Variants in STX5 observed in about 807,000 individuals in gnomAD.
STX5 encodes syntaxin-5.
In STX5, 15 loss-of-function variants were observed where a neutral mutation model predicts 42.9. That is an observed-to-expected ratio of 0.35 (90% CI 0.23 to 0.54). The LOEUF (loss-of-function observed/expected upper bound fraction) is 0.54, where lower values mean the gene tolerates loss of function less well. STX5 is among the 20% of genes least tolerant of loss of function. The pLI, the probability that STX5 is intolerant of heterozygous loss-of-function variation, is 0.91. For missense variants in STX5, 430 were observed against 455.0 expected, an observed-to-expected ratio of 0.95 and a Z score of 0.50; for synonymous variants, 184 against 173.2, an observed-to-expected ratio of 1.06 and a Z score of -0.49.
At chr11:62,825,865 C>T (rs1270938748) in intron 5 of STX5, among the ~76,000 whole-genome samples, 1 of 152,194 alleles carries the variant, frequency 6.6e-6, no homozygotes, top group African/African-American at 2.4e-5. Context: ...AGGCCAAAAT[C>T]TCGGGTCTAG....
rs547516141 is a variant in STX5 at position 62,827,099 on chromosome 11, GA to G, written c.423+55del. The G allele has an allele frequency of 5.9e-6, 9 of 1,538,416 alleles. No individual in the cohort carries two copies. The East Asian group carries it at 9.0e-5, about 15-fold the overall frequency. On this transcript the variant is annotated intron_variant, in intron 5 of 10. Transcript: ENST00000294179. ...TCCCCATGGCAATGGAAAATGACAG[GA>G]AGACAGAAGTGATCTGATTGGAATG...
chr11:62,814,160 G>A lies in STX5; in HGVS notation c.909-6532C>T, dbSNP rs181326757. ...AGCCTATAGCGATGCTCAGAAAAGA[G>A]GAAGAATTTAATTAATTTACTTGAG... On this transcript the variant is annotated intron_variant, in intron 10 of 10. Coordinates refer to ENST00000294179, the MANE Select transcript of STX5 (RefSeq NM_003164.5). Among the ~76,000 whole-genome samples the A allele has an allele frequency of 1.3e-3, 191 of 152,172 alleles. No homozygotes were observed. In the Middle Eastern group the frequency reaches 0.017, roughly 14 times the overall value.
At chr11:62,829,665 G>A (rs928135044) in intron 2 of STX5, among the ~76,000 whole-genome samples, 4 of 152,092 alleles carry the variant, frequency 2.6e-5, no homozygotes, top group African/African-American at 9.7e-5. Flanking sequence ...TGAGGAGCCT[G>A]AGGCAGGAGG....
In STX5 at chr11:62,824,556, G is replaced by A. The variant is rs200374593; in HGVS notation, c.689C>T (p.Ala230Val). 1 of 1,614,104 alleles carries A rather than the reference G, an allele frequency of 6.2e-7. No homozygotes were observed. The highest frequency in any genetic ancestry group is 1.3e-5 in the African/African-American group (1 of 75,046). Reference protein sequence around the residue: ...PLAPNHLGGGAVVLGAESHAS... With the variant: ...PLAPNHLGGGVVVLGAESHAS... ...ATGGGACTCTGCCCCCAGAACCACAGCACCACCGCCTGGGGGAGAAAACAG... is the reference window on the plus strand; with the variant it reads ...ATGGGACTCTGCCCCCAGAACCACAACACCACCGCCTGGGGGAGAAAACAG... Residue 230 changes from alanine (A) to valine (V), a missense_variant, in exon 9 of 11, where the codon GCT becomes GTT. Coordinates refer to ENST00000294179, the MANE Select transcript of STX5 (RefSeq NM_003164.5).
In STX5 at chr11:62,831,034, C is replaced by G; in HGVS notation, c.210G>C (p.Ser70=). The part of the protein sequence containing the change: ...RTQEFLSACK[S]LQTRQNGIQT... ...AGGTCCTTACCTGACGGGTCTGCAG[C>G]GACTTGCAGGCAGACAGAAACTCCT... is the stretch of plus-strand genomic sequence containing the variant. Residue 70 remains serine (S), a synonymous_variant, in exon 2 of 11, where the codon TCG becomes TCC. Transcript: ENST00000294179. 6.4e-7 allele frequency: 1 copy of G among 1,551,898 alleles called. No homozygotes were observed. The highest frequency in any genetic ancestry group is 8.7e-7 in the Non-Finnish European group (1 of 1,148,130).
In STX5 at chr11:62,824,232, AC is replaced by A. The variant is rs763507779; in HGVS notation, c.841del (p.Val281LeufsTer29). 6.2e-7 allele frequency: 1 copy of A among 1,614,210 alleles called. No homozygotes were observed. The highest frequency in any genetic ancestry group is 1.1e-5 in the South Asian group (1 of 91,080). The stretch of plus-strand genomic sequence containing the variant: ...CTGCTGAAAGATGGAGCCCAACTCA[AC>A]AATTGTCGACTCAATGTTCTGCATG... Reference protein sequence around the residue: ...DTMQNIESTIVELGSIFQQLA... With the variant: ...DTMQNIESTIXELGSIFQQLA... On this transcript the variant is annotated frameshift_variant, in exon 10 of 11. Coordinates refer to ENST00000294179, the MANE Select transcript of STX5 (RefSeq NM_003164.5). LOFTEE classifies it high-confidence loss of function.
At position 62,807,806 on chromosome 11, in the gene STX5, C is replaced by G. The variant is rs550991831; in HGVS notation, c.909-178G>C. Reference sequence around the variant, plus strand: ...AACAAGTTATTTCTGGTTTGAAAACCAACTCTGCCATTTATTAGCTTAAGA... The same window carrying G: ...AACAAGTTATTTCTGGTTTGAAAACGAACTCTGCCATTTATTAGCTTAAGA... On this transcript the variant is annotated intron_variant, in intron 10 of 10. Transcript: ENST00000294179. The G allele has an allele frequency of 8.6e-6, 10 of 1,162,374 alleles. No individual in the cohort carries two copies. In the East Asian group the frequency reaches 1.0e-4, roughly 12 times the overall value. 72.0% of individuals were successfully genotyped at this position (1,162,374 alleles called of 1,614,324 possible).
chr11:62,821,929 G>GGCAGGAGAATCACTTGGAC (rs1209186964), intron 10 of STX5, among the ~76,000 whole-genome samples: 1 of 152,198 alleles, frequency 6.6e-6, no homozygotes, highest in African/African-American at 2.4e-5. Flanking sequence ...AGGAGGCTGA[G>GGCAGGAGAATCACTTGGAC]GCAGGAGAAT....
At chr11:62,809,287 CAAA>C (rs1174325165) in intron 10 of STX5, among the ~76,000 whole-genome samples, 7 of 62,114 alleles carry the variant, frequency 1.1e-4, no homozygotes, top group African/African-American at 1.7e-4. Flanking sequence ...GACTCCGTCT[CAAA>C]AAAAAAAAAA....
At chr11:62,821,434 G>C (rs1364880230) in intron 10 of STX5, among the ~76,000 whole-genome samples, 1 of 152,084 alleles carries the variant, frequency 6.6e-6, no homozygotes, top group Non-Finnish European at 1.5e-5. Flanking sequence ...TTGTTTTAAA[G>C]TTAAATGTGG....
chr11:62,819,618 G>C (rs895973646), intron 10 of STX5, among the ~76,000 whole-genome samples: 1 of 151,552 alleles, frequency 6.6e-6, no homozygotes, highest in Non-Finnish European at 1.5e-5. Flanking sequence ...CCAGGGCTCA[G>C]GAGATCCTCC....
chr11:62,813,620 C>T (rs894485051), intron 10 of STX5, among the ~76,000 whole-genome samples: 14 of 152,142 alleles, frequency 9.2e-5, no homozygotes, highest in African/African-American at 3.1e-4. Flanking sequence ...TGATCAACAA[C>T]GTAGAGTAAA....
At chr11:62,819,575 T>C (rs1359422707) in intron 10 of STX5, among the ~76,000 whole-genome samples, 1 of 151,986 alleles carries the variant, frequency 6.6e-6, no homozygotes, top group African/African-American at 2.4e-5. Context: ...TGGAGTGCAG[T>C]GGCCCAATCT....
rs2084564144 is a variant in STX5 at position 62,807,455 on chromosome 11, A to G, written c.*14T>C. 3 of 1,612,292 alleles carry G rather than the reference A, an allele frequency of 1.9e-6. No homozygotes were observed. The highest frequency in any genetic ancestry group is 1.7e-5 in the Admixed American group (1 of 59,934). ...GTCCCAAACCCCAACAGAGTGCCTC[A>G]GAGTAGAGAGGGTTCAAGCAAGGAA... is the stretch of plus-strand genomic sequence containing the variant. On this transcript the variant is annotated 3_prime_UTR_variant, in exon 11 of 11. Coordinates refer to ENST00000294179, the MANE Select transcript of STX5 (RefSeq NM_003164.5).
intron 10 of STX5, among the ~76,000 whole-genome samples, chr11:62,818,919 C>A (rs1268709910): frequency 4.0e-5 from 6 of 151,530 alleles, no homozygotes; most frequent in African/African-American, 1.4e-4. Flanking sequence ...GAGAAAACAT[C>A]CTTCAAAAAT....
At chr11:62,816,213 T>C (rs1169365277) in intron 10 of STX5, 1 of 152,216 alleles carries the variant, frequency 6.6e-6, no homozygotes, top group East Asian at 1.9e-4. Context: ...TGTTAACTGT[T>C]GAATGTAGGT....
chr11:62,815,802 G>A (rs1205895399), intron 10 of STX5, among the ~76,000 whole-genome samples: 1 of 151,990 alleles, frequency 6.6e-6, no homozygotes. Flanking sequence ...CTCCCGAAGT[G>A]CTAGGATTAC....
chr11:62,827,354 T>C lies in STX5; in HGVS notation c.341A>G (p.Lys114Arg). Residue 114 changes from lysine (K) to arginine (R), a missense_variant, in exon 4 of 11, where the codon AAG (lysine) becomes AGG (arginine). Physicochemically the swap from Lys to Arg is conservative, Grantham distance 26. Coordinates refer to ENST00000294179, the MANE Select transcript of STX5 (RefSeq NM_003164.5). The part of the protein sequence containing the change: ...DLSNTFAKLE[K>R]LTILAKRKSL... ...CCAAGAACACTCACAGATTGTCAGC[T>C]TCTCCAGCTTGGCAAATGTGTTGCT... The C allele has an allele frequency of 6.2e-7, 1 of 1,614,228 alleles. No homozygotes were observed. The highest frequency in any genetic ancestry group is 2.2e-5 in the East Asian group (1 of 44,892).
chr11:62,829,101 G>C (rs954334709), intron 2 of STX5, among the ~76,000 whole-genome samples: 2 of 150,880 alleles, frequency 1.3e-5, no homozygotes, highest in Non-Finnish European at 3.0e-5. Flanking sequence ...AACACAAACT[G>C]CTTACTCGGG....
Sources: gnomAD v4.1 joint callset for allele counts (sites outside exome capture counted in the v4.1 genomes callset) on GRCh38, gnomAD v4.1.1 for gene constraint, MANE v1.5 for transcripts, NCBI Gene and HGNC (gene_info 2026-07-23, HGNC 2026-07-21) for gene names.